The following SHROOM3 variants were observed in gnomAD, a reference collection of about 807,000 sequenced individuals.
The protein encoded by SHROOM3 is protein Shroom3.
A neutral mutation model predicts 138.6 loss-of-function variants in SHROOM3; 47 were observed. The observed-to-expected ratio is 0.34, with a 90% CI of 0.27 to 0.43. The LOEUF is 0.43. SHROOM3 is among the 20% of genes least tolerant of loss of function. SHROOM3 has a pLI of 1.00. For missense variants in SHROOM3, 2,491 were observed against 2,596.5 expected (o/e 0.96, Z 0.88); for synonymous variants, 1,062 against 1,063.3 (o/e 1.00, Z 0.02).
intron 4 of SHROOM3, among the ~76,000 whole-genome samples, chr4:76,735,466 G>T (rs1721009530): frequency 6.6e-6 from 1 of 151,884 alleles, no homozygotes; most frequent in African/African-American, 2.4e-5. Flanking sequence ...CTACAGGAAG[G>T]AACCCACTAT....
intron 1 of SHROOM3, among the ~76,000 whole-genome samples, chr4:76,465,863 A>T (rs969050019): frequency 3.9e-5 from 6 of 152,222 alleles, no homozygotes; most frequent in Non-Finnish European, 8.8e-5. Flanking sequence ...TTTTTGAAAA[A>T]CTAAATATGC....
At position 76,781,080 on chromosome 4, in the gene SHROOM3, C is replaced by T. The variant is rs372441177; in HGVS notation, c.*1903C>T. On this transcript the variant is annotated 3_prime_UTR_variant, in exon 11 of 11. Transcript: ENST00000296043. Reference sequence around the variant, plus strand: ...AACACTCTTCGAGATGACCATTTTTCGGGATTTGACTGGGGAACATTTTAC... The same window carrying T: ...AACACTCTTCGAGATGACCATTTTTTGGGATTTGACTGGGGAACATTTTAC... 6.6e-5 allele frequency: 10 copies of T among 152,254 alleles called. No individual in the cohort carries two copies. The highest frequency in any genetic ancestry group is 2.0e-4 in the Admixed American group (3 of 15,288). 9.4% of individuals were successfully genotyped at this position (152,254 alleles called of 1,614,324 possible).
chr4:76,583,997 T>C (rs537186763), intron 2 of SHROOM3, among the ~76,000 whole-genome samples: 3 of 152,360 alleles, frequency 2.0e-5, no homozygotes, highest in Non-Finnish European at 2.9e-5. Flanking sequence ...GCTTTTAACT[T>C]TTCCTTGTTT....
intron 2 of SHROOM3, among the ~76,000 whole-genome samples, chr4:76,662,824 GT>G (rs1718572043): frequency 1.3e-5 from 2 of 152,128 alleles, no homozygotes; most frequent in East Asian, 1.9e-4. Context: ...CGAGGCTGCA[GT>G]AGGCTGTGAT....
intron 2 of SHROOM3, among the ~76,000 whole-genome samples, chr4:76,620,070 CAAAAAAAAAAA>C (rs68039696): frequency 6.5e-5 from 4 of 61,106 alleles, no homozygotes; most frequent in Middle Eastern, 0.019. Context: ...GAATCTATCT[CAAAAAAAAAAA>C]AAAAAAAAAA....
chr4:76,566,958 G>A (rs1733737623), intron 2 of SHROOM3, among the ~76,000 whole-genome samples: 1 of 152,252 alleles, frequency 6.6e-6, no homozygotes, highest in African/African-American at 2.4e-5. Flanking sequence ...TAGCTAAAAT[G>A]TCTGTTTAAT....
chr4:76,604,254 G>A (rs1477738496), intron 2 of SHROOM3, among the ~76,000 whole-genome samples: 1 of 152,102 alleles, frequency 6.6e-6, no homozygotes, highest in Non-Finnish European at 1.5e-5. Flanking sequence ...TAATACTTGG[G>A]GGCTACTGGT....
chr4:76,634,986 C>G (rs1735449053), intron 2 of SHROOM3, among the ~76,000 whole-genome samples: 1 of 152,152 alleles, frequency 6.6e-6, no homozygotes, highest in African/African-American at 2.4e-5. Context: ...ATTTACTCCA[C>G]AGATATTTAT....
At chr4:76,644,880 A>G (rs1488158096) in intron 2 of SHROOM3, among the ~76,000 whole-genome samples, 1 of 152,150 alleles carries the variant, frequency 6.6e-6, no homozygotes, top group African/African-American at 2.4e-5. Flanking sequence ...AGCAAGTTCA[A>G]ATGGGGTTCA....
intron 1 of SHROOM3, among the ~76,000 whole-genome samples, chr4:76,499,443 T>TGTATA (rs1248633280): frequency 1.2e-5 from 1 of 86,472 alleles, no homozygotes; most frequent in Non-Finnish European, 2.8e-5. Flanking sequence ...AGCAAATACT[T>TGTATA]AGAATAGGAT....
intron 2 of SHROOM3, among the ~76,000 whole-genome samples, chr4:76,700,384 T>C (rs868584522): frequency 6.6e-6 from 1 of 152,146 alleles, no homozygotes; most frequent in Admixed American, 6.5e-5. Flanking sequence ...CATAAGGTAA[T>C]GGCAACTTTG....
intron 3 of SHROOM3, among the ~76,000 whole-genome samples, chr4:76,727,581 T>A (rs1720748514): frequency 6.6e-6 from 1 of 152,164 alleles, no homozygotes; most frequent in Non-Finnish European, 1.5e-5. Context: ...GCTCCCTGCC[T>A]ACCTGCACTG....
intron 2 of SHROOM3, among the ~76,000 whole-genome samples, chr4:76,643,178 T>C (rs1239752238): frequency 6.7e-6 from 1 of 149,316 alleles, no homozygotes; most frequent in African/African-American, 2.5e-5. Flanking sequence ...TGCACCATTG[T>C]ACTCCATCGT....
chr4:76,739,986 T>G lies in SHROOM3; in HGVS notation c.1813T>G (p.Cys605Gly). The G allele has an allele frequency of 1.9e-6, 3 of 1,614,058 alleles. No homozygotes were observed. Among genetic ancestry groups the G allele is most frequent in the Non-Finnish European group, 2.5e-6 (3 of 1,180,032 alleles). Residue 605 changes from cysteine (C) to glycine (G), a missense_variant, in exon 5 of 11, where the codon TGC becomes GGC. Physicochemically the swap from Cys to Gly is radical, Grantham distance 159 (BLOSUM62 -3). This residue lies in a region of SHROOM3 where 1,733 missense variants were observed against 1,661.6 expected (regional missense o/e 1.04). Coordinates refer to ENST00000296043, the MANE Select transcript of SHROOM3 (RefSeq NM_020859.4). ...KPSSHPHSLK[C>G]PQAQAWQAGE... ...ATCTTCTCATCCCCACAGCCTCAAA[T>G]GCCCTCAGGCTCAGGCCTGGCAAGC...
chr4:76,572,538 A>T (rs1733853225), intron 2 of SHROOM3, among the ~76,000 whole-genome samples: 1 of 152,216 alleles, frequency 6.6e-6, no homozygotes, highest in Non-Finnish European at 1.5e-5. Context: ...GGGACAGAGG[A>T]TGTGTCAGAT....
intron 3 of SHROOM3, among the ~76,000 whole-genome samples, chr4:76,725,293 G>C (rs1375987351): frequency 1.3e-5 from 2 of 151,996 alleles, no homozygotes; most frequent in Non-Finnish European, 1.5e-5. Flanking sequence ...TGCTGTCTTT[G>C]TATTGCAGGT....
chr4:76,735,869 ATATATATATATAT>A (rs1344390809), intron 4 of SHROOM3, among the ~76,000 whole-genome samples: 16 of 13,992 alleles, frequency 1.1e-3, no homozygotes, highest in Middle Eastern at 0.038. Flanking sequence ...AAAAAAAAAA[ATATATATATATAT>A]ATATATATAT....
At chr4:76,628,177 A>G (rs905921724) in intron 2 of SHROOM3, among the ~76,000 whole-genome samples, 8 of 152,242 alleles carry the variant, frequency 5.3e-5, no homozygotes, top group African/African-American at 1.7e-4. Flanking sequence ...AAAAAATTAT[A>G]GAGTTAACAT....
intron 2 of SHROOM3, among the ~76,000 whole-genome samples, chr4:76,593,555 CAT>C (rs1283748954): frequency 1.3e-5 from 2 of 152,192 alleles, no homozygotes; most frequent in Non-Finnish European, 2.9e-5. Context: ...TTTTTGATGA[CAT>C]GTGTTGTATA....
Sources: gnomAD v4.1 joint callset for allele counts (sites outside exome capture counted in the v4.1 genomes callset) on GRCh38, gnomAD v4.1.1 for gene constraint, gnomAD v4.1.1 regional missense constraint, MANE v1.5 for transcripts, NCBI Gene and HGNC (gene_info 2026-07-23, HGNC 2026-07-21) for gene names.